Variants in AP3B1 observed in about 807,000 individuals in gnomAD.
AP3B1 encodes the protein AP-3 complex subunit beta-1.
Under a neutral mutation model 132.5 loss-of-function variants are expected in AP3B1, and 61 were observed. The ratio of observed to expected loss-of-function variants is 0.46; its 90% CI spans 0.37 to 0.57. The LOEUF is 0.57. Among genes scored for constraint, AP3B1 ranks in the 20% least tolerant of loss-of-function variants. The probability of loss-of-function intolerance (pLI) is 0.00; values close to 1 mark genes in which losing one functional copy is unlikely to be tolerated. For synonymous variants in AP3B1, 388 were observed against 438.3 expected, an observed-to-expected ratio of 0.89 and a Z score of 1.43; for missense variants, 1,120 against 1,289.4, an observed-to-expected ratio of 0.87 and a Z score of 2.01.
intron 2 of AP3B1, among the ~76,000 whole-genome samples, chr5:78,253,879 A>G (rs2112540380): frequency 6.6e-6 from 1 of 151,598 alleles, no homozygotes; most frequent in South Asian, 2.1e-4. Context: ...AGGCAGGAGA[A>G]TGGCATGAAC....
Position 78,278,524 on chromosome 5 carries a change from G to A in AP3B1, c.129-10929C>T, listed in dbSNP as rs1322474619. On this transcript the variant is annotated intron_variant, in intron 1 of 26. Coordinates refer to ENST00000255194, the MANE Select transcript of AP3B1 (RefSeq NM_003664.5). The stretch of plus-strand genomic sequence containing the variant: ...TGAGGCAGGAGAATGGCGTGAACCC[G>A]GGAGGCGGAGCTTGCAGTGAGCCGA... 6.2e-5 allele frequency among the ~76,000 whole-genome samples: 6 copies of A among 96,898 alleles called. 1 individual carries two copies. Among genetic ancestry groups the A allele is most frequent in the Non-Finnish European group, 1.3e-4 (5 of 38,780 alleles). The allele number at this position is 96,898 out of a possible 152,430, so 63.6% of individuals were successfully genotyped here. A position where few individuals can be genotyped will look rare whatever the true frequency, so the allele number is the denominator to read the frequency against.
At chr5:78,153,155 T>C (rs1043332142) in intron 14 of AP3B1, among the ~76,000 whole-genome samples, 8 of 152,236 alleles carry the variant, frequency 5.3e-5, no homozygotes, top group Admixed American at 2.0e-4. Flanking sequence ...CCAGCTATTA[T>C]TGTATTGAGG....
chr5:78,277,991 G>A (rs1279941768), intron 1 of AP3B1, among the ~76,000 whole-genome samples: 1 of 152,160 alleles, frequency 6.6e-6, no homozygotes, highest in Non-Finnish European at 1.5e-5. Context: ...GCAGCAGGAA[G>A]TATGTTTTAC....
Position 78,002,946 on chromosome 5 carries a change from A to G in AP3B1, c.3241T>C (p.Ser1081Pro). ...GGCTTCAGTTCCCGCAGCAGAACAG[A>G]GCCAATCACAGTTTTCTCAGTGTTT... ...IINTEKTVIG[S>P]VLLRELKPVL... The change falls in exon 27 of 27, where the codon TCT becomes CCT. Residue 1081 changes from serine to proline, a missense_variant. Ser to Pro is a moderately conservative substitution (Grantham distance 74). Transcript: ENST00000255194. The G allele has an allele frequency of 1.2e-6, 2 of 1,614,190 alleles. No individual in the cohort carries two copies. Among genetic ancestry groups the G allele is most frequent in the East Asian group, 2.2e-5 (1 of 44,884 alleles).
At chr5:78,016,405 G>A (rs1183849388) in intron 25 of AP3B1, among the ~76,000 whole-genome samples, 1 of 151,756 alleles carries the variant, frequency 6.6e-6, no homozygotes. Context: ...TTAGTGCCCG[G>A]GTTAAAAAAC....
intron 7 of AP3B1, among the ~76,000 whole-genome samples, chr5:78,210,874 AGT>A: frequency 6.6e-6 from 1 of 152,102 alleles, no homozygotes; most frequent in Non-Finnish European, 1.5e-5. Flanking sequence ...AAGCAACTTT[AGT>A]CTTAGAGATC....
At chr5:78,027,059 G>T (rs1747366857) in intron 24 of AP3B1, among the ~76,000 whole-genome samples, 1 of 151,952 alleles carries the variant, frequency 6.6e-6, no homozygotes, top group South Asian at 2.1e-4. Context: ...CTTGTTTATG[G>T]TGTCTACTTT....
intron 22 of AP3B1, among the ~76,000 whole-genome samples, chr5:78,073,826 G>A (rs933374558): frequency 3.9e-5 from 6 of 152,154 alleles, no homozygotes; most frequent in African/African-American, 1.4e-4. Context: ...CTCACAGCCA[G>A]CAGAACTACT....
intron 22 of AP3B1, among the ~76,000 whole-genome samples, chr5:78,040,416 C>A (rs1580270598): frequency 6.6e-6 from 1 of 152,000 alleles, no homozygotes; most frequent in East Asian, 1.9e-4. Flanking sequence ...TTTTGTAGAC[C>A]TACAATATAA....
chr5:78,123,055 C>T (rs1008317068), intron 17 of AP3B1, among the ~76,000 whole-genome samples: 25 of 152,266 alleles, frequency 1.6e-4, no homozygotes, highest in South Asian at 4.1e-4. Context: ...TATCTACAAC[C>T]ATCTGATCTT....
At chr5:78,291,420 G>GAAAAAAAAAAAAAAAA (rs5868911) in intron 1 of AP3B1, among the ~76,000 whole-genome samples, 16 of 85,712 alleles carry the variant, frequency 1.9e-4, no homozygotes, top group Non-Finnish European at 2.6e-4. Context: ...CAGATAATTT[G>GAAAAAAAAAAAAAAAA]AAAAAAAAAA....
At chr5:78,185,106 C>A (rs1395346217) in intron 7 of AP3B1, among the ~76,000 whole-genome samples, 1 of 152,100 alleles carries the variant, frequency 6.6e-6, no homozygotes, top group African/African-American at 2.4e-5. Flanking sequence ...AATCTTATAT[C>A]TAGCAAAAAT....
intron 25 of AP3B1, among the ~76,000 whole-genome samples, chr5:78,018,147 G>T (rs1746931533): frequency 6.6e-6 from 1 of 151,916 alleles, no homozygotes; most frequent in African/African-American, 2.4e-5. Flanking sequence ...GTAAAAAATA[G>T]ATCCCATGTT....
intron 22 of AP3B1, among the ~76,000 whole-genome samples, chr5:78,077,355 C>T (rs574136419): frequency 1.3e-5 from 2 of 152,228 alleles, no homozygotes; most frequent in Non-Finnish European, 2.9e-5. Context: ...TGCGATACTG[C>T]CCCCCATGAA....
At chr5:78,187,100 C>T (rs1203342332) in intron 7 of AP3B1, among the ~76,000 whole-genome samples, 4 of 152,166 alleles carry the variant, frequency 2.6e-5, no homozygotes, top group Non-Finnish European at 4.4e-5. Context: ...AACAAACACA[C>T]TACTTGTCTT....
At chr5:78,154,023 C>T (rs1743027674) in intron 14 of AP3B1, among the ~76,000 whole-genome samples, 1 of 152,158 alleles carries the variant, frequency 6.6e-6, no homozygotes, top group Admixed American at 6.5e-5. Context: ...TTTCTGTGTA[C>T]ATACTATTAC....
At chr5:78,238,573 C>T (rs976277864) in intron 3 of AP3B1, among the ~76,000 whole-genome samples, 2 of 152,004 alleles carry the variant, frequency 1.3e-5, no homozygotes, top group Middle Eastern at 3.4e-3. Context: ...GTACTCAATA[C>T]TGTAGATAAC....
intron 15 of AP3B1, among the ~76,000 whole-genome samples, chr5:78,132,419 T>C (rs1187460292): frequency 1.3e-5 from 2 of 152,170 alleles, no homozygotes; most frequent in Admixed American, 6.5e-5. Context: ...TACAAATACA[T>C]TGAATGAAAA....
chr5:78,284,562 T>C (rs1162083316), intron 1 of AP3B1, among the ~76,000 whole-genome samples: 1 of 152,126 alleles, frequency 6.6e-6, no homozygotes, highest in Non-Finnish European at 1.5e-5. Context: ...CATTGGTAAA[T>C]GAAACAAGCA....
Sources: allele counts gnomAD v4.1 joint callset (sites outside exome capture counted in the v4.1 genomes callset), GRCh38; gene constraint gnomAD v4.1.1; transcripts MANE v1.5; gene names NCBI Gene and HGNC (gene_info 2026-07-23, HGNC 2026-07-21).